Variants in FMNL2 observed in about 807,000 individuals in gnomAD.
The protein encoded by FMNL2 is formin like 2, also known as formin-like protein 2.
In FMNL2, 51 loss-of-function variants were observed where a neutral mutation model predicts 130.2. The observed-to-expected ratio is 0.39, with a 90% CI of 0.31 to 0.49. The LOEUF (loss-of-function observed/expected upper bound fraction) is 0.49. Ranked by LOEUF, FMNL2 falls within the 20% of genes least tolerant of loss-of-function variation. FMNL2 has a pLI of 0.85. For synonymous variants in FMNL2, 465 were observed against 467.1 expected (o/e 1.00, Z 0.06); for missense variants, 977 against 1,316.2 (o/e 0.74, Z 3.99).
At chr2:152,418,255 T>C (rs1192214399) in intron 1 of FMNL2, among the ~76,000 whole-genome samples, 1 of 152,122 alleles carries the variant, frequency 6.6e-6, no homozygotes, top group Non-Finnish European at 1.5e-5. Flanking sequence ...TTCATTTCAT[T>C]TTTTGGCCAC....
chr2:152,455,879 T>G (rs891496995), intron 1 of FMNL2, among the ~76,000 whole-genome samples: 1 of 152,210 alleles, frequency 6.6e-6, no homozygotes, highest in Non-Finnish European at 1.5e-5. Flanking sequence ...CACACTTGGC[T>G]TATTTTTTAA....
At chr2:152,491,029 T>C (rs999116446) in intron 1 of FMNL2, among the ~76,000 whole-genome samples, 8 of 152,232 alleles carry the variant, frequency 5.3e-5, no homozygotes, top group Admixed American at 5.2e-4. Flanking sequence ...TTTGCTCCAT[T>C]GTGCTGTTGG....
intron 1 of FMNL2, among the ~76,000 whole-genome samples, chr2:152,403,515 A>T (rs1473944726): frequency 6.7e-6 from 1 of 149,412 alleles, no homozygotes; most frequent in Admixed American, 6.7e-5. Context: ...GACCATTGGG[A>T]GCTCCTTACT....
At chr2:152,336,761 C>G (rs1464946587) in intron 1 of FMNL2, among the ~76,000 whole-genome samples, 1 of 152,190 alleles carries the variant, frequency 6.6e-6, no homozygotes, top group Admixed American at 6.5e-5. Flanking sequence ...TGGGCTCATT[C>G]CTACTCCTGA....
In FMNL2 at chr2:152,649,571, A is replaced by T. The variant is rs1683901969; in HGVS notation, c.*1666A>T. ...TGTGGACTCAACATTCACTTCGATT[A>T]AAAATAGCAATTTGACCAAGTTGGA... On this transcript the variant is annotated 3_prime_UTR_variant, in exon 26 of 26. Transcript: ENST00000288670. The T allele has an allele frequency of 6.6e-6, 1 of 152,630 alleles. No individual in the cohort carries two copies. Among genetic ancestry groups the T allele is most frequent in the African/African-American group, 2.4e-5 (1 of 41,448 alleles). 9.5% of individuals were successfully genotyped at this position (152,630 alleles called of 1,614,324 possible).
chr2:152,611,254 G>A (rs1039094032), intron 10 of FMNL2, among the ~76,000 whole-genome samples: 7 of 152,124 alleles, frequency 4.6e-5, no homozygotes, highest in Admixed American at 1.3e-4. Flanking sequence ...CAGGAGAATC[G>A]CCTGAACCCA....
intron 1 of FMNL2, among the ~76,000 whole-genome samples, chr2:152,480,506 G>A (rs1427809553): frequency 6.6e-6 from 1 of 150,458 alleles, no homozygotes; most frequent in African/African-American, 2.5e-5. Context: ...GGAGTGGCAG[G>A]TGCCTGTAAT....
chr2:152,445,080 T>C (rs1688264681), intron 1 of FMNL2, among the ~76,000 whole-genome samples: 1 of 152,252 alleles, frequency 6.6e-6, no homozygotes, highest in Non-Finnish European at 1.5e-5. Flanking sequence ...GAATCCCAAG[T>C]TGCAGAACTT....
chr2:152,402,287 G>A (rs1685749395), intron 1 of FMNL2, among the ~76,000 whole-genome samples: 1 of 152,198 alleles, frequency 6.6e-6, no homozygotes, highest in Non-Finnish European at 1.5e-5. Flanking sequence ...GAACAGGTGT[G>A]CTCTAAGTCA....
intron 2 of FMNL2, among the ~76,000 whole-genome samples, chr2:152,532,636 C>A (rs1693766526): frequency 7.4e-6 from 1 of 135,968 alleles, no homozygotes. Flanking sequence ...GAGATGGAGT[C>A]TTACTCTTTT....
intron 21 of FMNL2, 130 bp downstream of exon 21, chr2:152,632,267 G>A: frequency 5.6e-6 from 7 of 1,243,142 alleles, no homozygotes; most frequent in Non-Finnish European, 7.8e-6. Context: ...GACACACTGA[G>A]CTGGAACACA....
In FMNL2 at chr2:152,392,437, A is replaced by G. The variant is rs1220038418; in HGVS notation, c.117+56717A>G. On this transcript the variant is annotated intron_variant, in intron 1 of 25. Transcript: ENST00000288670. ...GTCTGTTCTGTGCTGTAATGACAGA[A>G]TACTTGAGACTGGGTAATTTATAAG... 4.6e-5 allele frequency among the ~76,000 whole-genome samples: 7 copies of G among 152,164 alleles called. No individual in the cohort carries two copies. In the East Asian group the frequency reaches 1.3e-3, roughly 29 times the overall value.
chr2:152,386,836 C>T (rs1187683744), intron 1 of FMNL2, among the ~76,000 whole-genome samples: 1 of 152,028 alleles, frequency 6.6e-6, no homozygotes, highest in East Asian at 1.9e-4. Context: ...GTAGCAATGC[C>T]GGAAGAAGTA....
intron 10 of FMNL2, chr2:152,607,692 G>T: frequency 4.0e-6 from 1 of 247,516 alleles, no homozygotes; most frequent in Non-Finnish European, 7.8e-6. Flanking sequence ...AGCCATGCCT[G>T]GTGCAAATGC....
At position 152,611,598 on chromosome 2, in the gene FMNL2, A is replaced by G. The variant is rs34119671; in HGVS notation, c.1055A>G (p.Tyr352Cys). The change falls in exon 11 of 26, where the codon TAC (tyrosine) becomes TGC (cysteine). Residue 352 changes from tyrosine (Y) to cysteine (C), a missense_variant. This residue lies in a region of FMNL2 where 689 missense variants were observed against 995.9 expected (regional missense o/e 0.69). Transcript: ENST00000288670. Reference sequence around the variant, plus strand: ...TTTACCAAATTAGGCCTGGACGAATACTTGGACGTGAGTATAGCTGTGACC... The same window carrying G: ...TTTACCAAATTAGGCCTGGACGAATGCTTGGACGTGAGTATAGCTGTGACC... ...YEFTKLGLDE[Y>C]LDKLKHTESD... 2,438 of 1,586,146 alleles carry G rather than the reference A, an allele frequency of 1.5e-3. 39 individuals carry two copies. In the African/African-American group the frequency reaches 0.029, roughly 19 times the overall value.
intron 2 of FMNL2, among the ~76,000 whole-genome samples, chr2:152,524,884 G>T (rs1044942334): frequency 6.6e-6 from 1 of 152,078 alleles, no homozygotes; most frequent in African/African-American, 2.4e-5. Context: ...ATCTAGAAGG[G>T]CTGTTAGAGA....
intron 21 of FMNL2, among the ~76,000 whole-genome samples, chr2:152,635,658 G>A (rs1682534770): frequency 6.6e-6 from 1 of 152,178 alleles, no homozygotes; most frequent in South Asian, 2.1e-4. Flanking sequence ...CAGGCAAGGG[G>A]GCCCAGAGCT....
chr2:152,584,670 A>G (rs1696969711), intron 9 of FMNL2, among the ~76,000 whole-genome samples: 1 of 152,242 alleles, frequency 6.6e-6, no homozygotes, highest in Non-Finnish European at 1.5e-5. Context: ...TCTTGAGCCA[A>G]TAAATCCATT....
chr2:152,528,199 T>G (rs976460574), intron 2 of FMNL2, among the ~76,000 whole-genome samples: 3 of 152,230 alleles, frequency 2.0e-5, no homozygotes, highest in African/African-American at 7.2e-5. Flanking sequence ...CCTAAAACAT[T>G]ACTAAGTAAA....
Sources: allele counts gnomAD v4.1 joint callset (sites outside exome capture counted in the v4.1 genomes callset), GRCh38; gene constraint gnomAD v4.1.1; regional missense constraint gnomAD v4.1.1; transcripts MANE v1.5; gene names NCBI Gene and HGNC (gene_info 2026-07-23, HGNC 2026-07-21).